BMPR2: variants seen among roughly 807,000 people sequenced by gnomAD.
BMPR2 encodes the protein bone morphogenetic protein receptor type 2, also known as bone morphogenetic protein receptor type-2.
BMPR2 carries 29 observed loss-of-function variants against 100.8 expected under a neutral mutation model. The ratio of observed to expected loss-of-function variants is 0.29; its 90% CI spans 0.21 to 0.39. The LOEUF (loss-of-function observed/expected upper bound fraction) is 0.39, where lower values mean the gene tolerates loss of function less well. Among genes scored for constraint, BMPR2 ranks in the 10% least tolerant of loss-of-function variants. BMPR2 has a pLI of 1.00. For synonymous variants in BMPR2, 382 were observed against 442.3 expected (o/e 0.86, Z 1.71); for missense variants, 1,011 against 1,274.5 (o/e 0.79, Z 3.15).
At chr2:202,400,143 T>TTTA (rs1196948900) in intron 1 of BMPR2, among the ~76,000 whole-genome samples, 1 of 151,678 alleles carries the variant, frequency 6.6e-6, no homozygotes, top group Admixed American at 6.6e-5. Flanking sequence ...GTTGAATTAG[T>TTTA]TTATTATTAT....
chr2:202,416,577 C>T (rs899686436), intron 1 of BMPR2, among the ~76,000 whole-genome samples: 1 of 151,802 alleles, frequency 6.6e-6, no homozygotes, highest in African/African-American at 2.4e-5. Context: ...AGGCACGTGC[C>T]ACCACGCCCA....
At chr2:202,421,658 GA>G (rs1281160550) in intron 1 of BMPR2, among the ~76,000 whole-genome samples, 1 of 142,730 alleles carries the variant, frequency 7.0e-6, no homozygotes, top group Non-Finnish European at 1.5e-5. Flanking sequence ...AAAAAAAAAA[GA>G]ATTTGGAAGT....
At chr2:202,534,665 T>C (rs964863111) in intron 9 of BMPR2, among the ~76,000 whole-genome samples, 15 of 152,216 alleles carry the variant, frequency 9.9e-5, no homozygotes, top group African/African-American at 3.6e-4. Context: ...TACTTCTTTC[T>C]ACACAGACAC....
chr2:202,450,656 A>G (rs1691960232), intron 1 of BMPR2, among the ~76,000 whole-genome samples: 1 of 148,696 alleles, frequency 6.7e-6, no homozygotes, highest in South Asian at 2.1e-4. Context: ...ATGCCATTGC[A>G]CTTCAGCCTG....
rs186644307 is a variant in BMPR2, at chr2:202,471,853, C to T, written c.418+4164C>T. ...AATAACCATATTCTTAGGAAATAAT[C>T]TAAGAAGTGTTTAAGAATAAAGGAC... On this transcript the variant is annotated intron_variant, in intron 3 of 12. Transcript: ENST00000374580. Among the ~76,000 whole-genome samples the T allele has an allele frequency of 3.2e-3, 487 of 151,770 alleles. 2 individuals are homozygous for T. The highest frequency in any genetic ancestry group is 0.011 in the African/African-American group (472 of 41,352).
At chr2:202,424,692 T>G (rs1207985353) in intron 1 of BMPR2, among the ~76,000 whole-genome samples, 1 of 151,934 alleles carries the variant, frequency 6.6e-6, no homozygotes, top group Non-Finnish European at 1.5e-5. Flanking sequence ...CGACACTCCG[T>G]CTCAAAAAAT....
chr2:202,475,769 G>A (rs566392216), intron 3 of BMPR2, among the ~76,000 whole-genome samples: 41 of 152,092 alleles, frequency 2.7e-4, no homozygotes, highest in Non-Finnish European at 5.6e-4. Flanking sequence ...GAAGCTTTTC[G>A]TCTGTAAAAT....
At chr2:202,508,070 CTATTATTATTATTATTATTATTAT>C (rs4032712) in intron 3 of BMPR2, among the ~76,000 whole-genome samples, 1 of 139,774 alleles carries the variant, frequency 7.2e-6, no homozygotes, top group Non-Finnish European at 1.5e-5. Flanking sequence ...TCATTTGAGG[CTATTATTATTATTATTATTATTAT>C]TATTATTATT....
chr2:202,497,393 G>A (rs977339204), intron 3 of BMPR2, among the ~76,000 whole-genome samples: 12 of 152,160 alleles, frequency 7.9e-5, no homozygotes, highest in African/African-American at 2.7e-4. Context: ...GCTAAATACC[G>A]GGCACCTTAT....
chr2:202,544,151 CA>C (rs1180060692), intron 10 of BMPR2, among the ~76,000 whole-genome samples: 5 of 151,262 alleles, frequency 3.3e-5, no homozygotes, highest in South Asian at 4.2e-4. Context: ...CAAAAAAAAA[CA>C]AAAAAAAATT....
chr2:202,483,829 T>C (rs547370812), intron 3 of BMPR2, among the ~76,000 whole-genome samples: 4 of 152,348 alleles, frequency 2.6e-5, no homozygotes, highest in African/African-American at 9.6e-5. Context: ...CAGTGGCTCA[T>C]GCCTGTAATC....
intron 10 of BMPR2, 125 bp from the exon 11 acceptor site, chr2:202,552,591 A>G: frequency 1.0e-6 from 1 of 956,206 alleles, no homozygotes; most frequent in Non-Finnish European, 1.6e-6. Context: ...AAAATATGTT[A>G]TTAGAGCTAT....
rs375624016 is a variant in BMPR2 at position 202,376,511 on chromosome 2, AGGCGGCGGCGGCGGCGGCGGCGGCGGC to A, written c.-954_-928del. 8.0e-6 allele frequency among the ~76,000 whole-genome samples: 1 copy of A among 125,760 alleles called. No homozygotes were observed. The highest frequency in any genetic ancestry group is 1.7e-5 in the Non-Finnish European group (1 of 58,928). The allele number at this position is 125,760 out of a possible 152,430, so 82.5% of individuals were successfully genotyped here. On this transcript the variant is annotated 5_prime_UTR_variant, in exon 1 of 13. Transcript: ENST00000374580. Reference sequence around the variant, plus strand: ...AGGAGCCCAGAGCTGCGGGAGAACGAGGCGGCGGCGGCGGCGGCGGCGGCGGCGGCGGCGGCAGCAGCAGCGGCTTCC... The same window carrying A: ...AGGAGCCCAGAGCTGCGGGAGAACGAGGCGGCGGCAGCAGCAGCGGCTTCC...
chr2:202,479,071 T>G (rs1052960545), intron 3 of BMPR2, among the ~76,000 whole-genome samples: 2 of 152,238 alleles, frequency 1.3e-5, no homozygotes, highest in Non-Finnish European at 2.9e-5. Flanking sequence ...GAGCTAGACT[T>G]AATAACTTGA....
At chr2:202,543,801 A>T (rs988036502) in intron 10 of BMPR2, among the ~76,000 whole-genome samples, 1 of 152,178 alleles carries the variant, frequency 6.6e-6, no homozygotes, top group African/African-American at 2.4e-5. Flanking sequence ...TGGTATTATG[A>T]TTATGTAAGC....
intron 3 of BMPR2, among the ~76,000 whole-genome samples, chr2:202,498,263 AG>A (rs753807522): frequency 7.0e-4 from 107 of 152,318 alleles, no homozygotes; most frequent in Admixed American, 1.6e-3. Context: ...AGGACAGGCA[AG>A]GGTGCAGGTT....
intron 3 of BMPR2, among the ~76,000 whole-genome samples, chr2:202,468,807 C>T (rs1332990759): frequency 6.6e-6 from 1 of 151,600 alleles, no homozygotes; most frequent in Non-Finnish European, 1.5e-5. Context: ...ATATTAGATG[C>T]AAAAAGTACA....
chr2:202,464,831 A>T lies in BMPR2; in HGVS notation c.99A>T (p.Leu33=). 6.2e-7 allele frequency: 1 copy of T among 1,613,718 alleles called. No homozygotes were observed. Among genetic ancestry groups the T allele is most frequent in the Non-Finnish European group, 8.5e-7 (1 of 1,179,828 alleles). The change falls in exon 2 of 13, where the codon CTA becomes CTT. Residue 33 remains leucine, a synonymous_variant. Transcript: ENST00000374580. ...TAGCTTCGCAGAATCAAGAACGGCT[A>T]TGTGCGTTTAAAGATCCGTATCAGC... is the stretch of plus-strand genomic sequence containing the variant. ...TAAASQNQER[L]CAFKDPYQQD...
At chr2:202,449,717 T>G (rs1478030613) in intron 1 of BMPR2, among the ~76,000 whole-genome samples, 2 of 152,222 alleles carry the variant, frequency 1.3e-5, no homozygotes, top group Admixed American at 1.3e-4. Flanking sequence ...ACGGAACTGA[T>G]GGAAGTTTAC....
Sources: allele counts gnomAD v4.1 joint callset (sites outside exome capture counted in the v4.1 genomes callset), GRCh38; gene constraint gnomAD v4.1.1; transcripts MANE v1.5; gene names NCBI Gene and HGNC (gene_info 2026-07-23, HGNC 2026-07-21).